ADD3: variants seen among roughly 807,000 people sequenced by gnomAD.
The protein encoded by ADD3 is adducin 3, also known as gamma-adducin.
In ADD3, 25 loss-of-function variants were observed where a neutral mutation model predicts 80.2. That is an observed-to-expected ratio of 0.31 (90% CI 0.23 to 0.44). ADD3 has a LOEUF of 0.44. Among genes scored for constraint, ADD3 ranks in the 20% least tolerant of loss-of-function variants. ADD3 has a pLI of 1.00. For synonymous variants in ADD3, 284 were observed against 289.6 expected, an observed-to-expected ratio of 0.98 and a Z score of 0.20; for missense variants, 829 against 847.5, an observed-to-expected ratio of 0.98 and a Z score of 0.27.
intron 1 of ADD3, among the ~76,000 whole-genome samples, chr10:110,037,201 A>T (rs1013320586): frequency 6.6e-6 from 1 of 152,378 alleles, no homozygotes; most frequent in Non-Finnish European, 1.5e-5. Flanking sequence ...AGTTAAACAC[A>T]CATCAGTCGA....
intron 1 of ADD3, among the ~76,000 whole-genome samples, chr10:110,049,131 G>T (rs1857214060): frequency 6.6e-6 from 1 of 152,212 alleles, no homozygotes; most frequent in Non-Finnish European, 1.5e-5. Context: ...CCCAACCTTG[G>T]CAGCTTCCAC....
intron 2 of ADD3, among the ~76,000 whole-genome samples, chr10:110,109,655 T>C (rs974404670): frequency 1.3e-5 from 2 of 152,186 alleles, no homozygotes; most frequent in African/African-American, 4.8e-5. Flanking sequence ...AAAGTTTAAA[T>C]AGTTTGGTTT....
intron 1 of ADD3, among the ~76,000 whole-genome samples, chr10:110,023,036 A>C (rs1031541435): frequency 3.3e-5 from 5 of 152,196 alleles, no homozygotes; most frequent in Non-Finnish European, 7.3e-5. Context: ...GAAGAGGCAT[A>C]ATCAAATGTC....
intron 1 of ADD3, among the ~76,000 whole-genome samples, chr10:110,075,273 T>A (rs976702417): frequency 8.5e-5 from 13 of 152,342 alleles, no homozygotes; most frequent in African/African-American, 2.9e-4. Flanking sequence ...AAGGGTGATA[T>A]TCAGAAGGGA....
At chr10:110,020,466 T>C (rs1564847210) in intron 1 of ADD3, among the ~76,000 whole-genome samples, 1 of 152,128 alleles carries the variant, frequency 6.6e-6, no homozygotes. Context: ...TGAGAGAGCA[T>C]GCATGTGGAT....
intron 8 of ADD3, among the ~76,000 whole-genome samples, chr10:110,120,382 T>TGG: frequency 6.6e-6 from 1 of 151,450 alleles, no homozygotes; most frequent in African/African-American, 2.4e-5. Context: ...ATTTCATCCA[T>TGG]GTCCCTACAA....
chr10:110,034,191 A>G (rs1003019036), intron 1 of ADD3, among the ~76,000 whole-genome samples: 1 of 152,070 alleles, frequency 6.6e-6, no homozygotes, highest in African/African-American at 2.4e-5. Flanking sequence ...ACATTTTGGA[A>G]CTACTACAAT....
At chr10:110,036,812 G>T (rs1183869172) in intron 1 of ADD3, among the ~76,000 whole-genome samples, 1 of 152,130 alleles carries the variant, frequency 6.6e-6, no homozygotes, top group Non-Finnish European at 1.5e-5. Flanking sequence ...GAGTGTGCAG[G>T]TCATTCCCCA....
upstream of ADD3, among the ~76,000 whole-genome samples, chr10:110,004,950 T>C (rs4556470): frequency 6.6e-6 from 1 of 152,222 alleles, no homozygotes; most frequent in African/African-American, 2.4e-5. Context: ...AATCCACTTG[T>C]GTTTCTTAAT....
chr10:110,095,228 G>A (rs1234409258), intron 1 of ADD3, among the ~76,000 whole-genome samples: 2 of 152,280 alleles, frequency 1.3e-5, no homozygotes, highest in South Asian at 2.1e-4. Context: ...GTTTTATGGA[G>A]ATAATTCACA....
At chr10:110,092,420 C>G (rs1847647290) in intron 1 of ADD3, among the ~76,000 whole-genome samples, 1 of 152,098 alleles carries the variant, frequency 6.6e-6, no homozygotes, top group Admixed American at 6.6e-5. Flanking sequence ...TCCTTTGCAG[C>G]AACATGGATG....
In ADD3 at chr10:110,105,471, G is replaced by A. The variant is rs115183305; in HGVS notation, c.195+4623G>A. Among the ~76,000 whole-genome samples, 815 of 152,326 alleles carry A rather than the reference G, an allele frequency of 5.4e-3. 5 individuals are homozygous for A. The highest frequency in any genetic ancestry group is 0.019 in the African/African-American group (788 of 41,580). ...TGCATGGATGGATAGAGAATAGCTA[G>A]GTGGGCTTTGAAACATTAAACATTT... On this transcript the variant is annotated intron_variant, in intron 2 of 14. Transcript: ENST00000356080.
intron 5 of ADD3, among the ~76,000 whole-genome samples, chr10:110,117,857 TAAC>T (rs1467021761): frequency 6.6e-6 from 1 of 151,780 alleles, no homozygotes; most frequent in African/African-American, 2.4e-5. Flanking sequence ...CTACTAAAGA[TAAC>T]AAAAAATTAG....
intron 2 of ADD3, among the ~76,000 whole-genome samples, chr10:110,101,148 A>T (rs553291732): frequency 1.8e-4 from 27 of 152,280 alleles, no homozygotes; most frequent in African/African-American, 6.5e-4. Context: ...GAAAGGCATG[A>T]CTCAAGTCAT....
At chr10:110,091,158 G>A (rs1284251431) in intron 1 of ADD3, among the ~76,000 whole-genome samples, 2 of 152,004 alleles carry the variant, frequency 1.3e-5, no homozygotes, top group Non-Finnish European at 2.9e-5. Context: ...TTCCACTTTG[G>A]TATTGAGTAT....
At chr10:110,003,313 G>A (rs1437785901), upstream of ADD3, among the ~76,000 whole-genome samples, 2 of 152,076 alleles carry the variant, frequency 1.3e-5, no homozygotes, top group Admixed American at 6.5e-5. Context: ...GTGTGTGTGT[G>A]TGTGTGTGTG....
chr10:110,063,784 A>G (rs12256133), intron 1 of ADD3, among the ~76,000 whole-genome samples: 8 of 53,278 alleles, frequency 1.5e-4, no homozygotes, highest in Non-Finnish European at 2.2e-4. Flanking sequence ...TATATATATA[A>G]AGTGAACACC....
intron 1 of ADD3, among the ~76,000 whole-genome samples, chr10:110,018,661 A>T (rs1207868238): frequency 6.6e-6 from 1 of 152,162 alleles, no homozygotes; most frequent in East Asian, 1.9e-4. Context: ...TTTGGCCAGA[A>T]ATTACTGTCC....
intron 1 of ADD3, among the ~76,000 whole-genome samples, chr10:110,078,259 C>T (rs914805493): frequency 6.6e-6 from 1 of 152,112 alleles, no homozygotes; most frequent in African/African-American, 2.4e-5. Context: ...AGTTTCTTTA[C>T]CTGTACAGTT....
Sources: allele counts gnomAD v4.1 joint callset (sites outside exome capture counted in the v4.1 genomes callset), GRCh38; gene constraint gnomAD v4.1.1; transcripts MANE v1.5; gene names NCBI Gene and HGNC (gene_info 2026-07-23, HGNC 2026-07-21).